The following HIVEP3 variants were observed in gnomAD, a reference collection of about 807,000 sequenced individuals.
HIVEP3 encodes transcription factor HIVEP3.
In HIVEP3, 49 loss-of-function variants were observed where a neutral mutation model predicts 152.8. The observed-to-expected ratio is 0.32, with a 90% CI of 0.26 to 0.41. The LOEUF (loss-of-function observed/expected upper bound fraction) is 0.41, where lower values mean the gene tolerates loss of function less well. Ranked by LOEUF, HIVEP3 falls within the 10% of genes least tolerant of loss-of-function variation. The probability of loss-of-function intolerance (pLI) is 1.00; values close to 1 mark genes in which losing one functional copy is unlikely to be tolerated. For synonymous variants in HIVEP3, 1,269 were observed against 1,289.0 expected, an observed-to-expected ratio of 0.98 and a Z score of 0.33; for missense variants, 2,790 against 3,103.3, an observed-to-expected ratio of 0.90 and a Z score of 2.40.
intron 1 of HIVEP3, among the ~76,000 whole-genome samples, chr1:41,748,888 C>T (rs1647112425): frequency 6.6e-6 from 1 of 152,202 alleles, no homozygotes; most frequent in Admixed American, 6.5e-5. Flanking sequence ...ATCTCATTGG[C>T]TTTGAGGACT....
At chr1:41,796,092 A>T (rs1369154105) in intron 1 of HIVEP3, among the ~76,000 whole-genome samples, 1 of 152,146 alleles carries the variant, frequency 6.6e-6, no homozygotes, top group African/African-American at 2.4e-5. Flanking sequence ...GCATATCTCT[A>T]CTTCTGTATA....
intron 1 of HIVEP3, among the ~76,000 whole-genome samples, chr1:41,760,427 CTCACG>C (rs1463619023): frequency 6.6e-6 from 1 of 152,158 alleles, no homozygotes; most frequent in Non-Finnish European, 1.5e-5. Context: ...ACCCTTCTCT[CTCACG>C]TCCACAGGTC....
intron 3 of HIVEP3, among the ~76,000 whole-genome samples, chr1:41,586,163 C>T (rs955129248): frequency 5.9e-5 from 9 of 152,204 alleles, no homozygotes; most frequent in African/African-American, 1.9e-4. Context: ...ATATGGGGAT[C>T]ATTGCCCTCA....
intron 3 of HIVEP3, among the ~76,000 whole-genome samples, chr1:41,598,219 C>A (rs886672286): frequency 6.6e-5 from 10 of 152,104 alleles, no homozygotes; most frequent in Non-Finnish European, 1.5e-4. Flanking sequence ...TAAGAGAGAC[C>A]CAAATTCCAC....
At chr1:41,730,927 C>T (rs1646830651) in intron 1 of HIVEP3, among the ~76,000 whole-genome samples, 1 of 152,094 alleles carries the variant, frequency 6.6e-6, no homozygotes, top group South Asian at 2.1e-4. Context: ...TGAAGAGGAG[C>T]AAGGACGCAA....
chr1:41,605,404 C>T (rs1003473370), intron 3 of HIVEP3, among the ~76,000 whole-genome samples: 2 of 147,986 alleles, frequency 1.4e-5, no homozygotes, highest in African/African-American at 5.3e-5. Context: ...CACACACACA[C>T]ACATACATAT....
At chr1:41,682,541 A>G (rs1016612063) in intron 2 of HIVEP3, among the ~76,000 whole-genome samples, 8 of 152,198 alleles carry the variant, frequency 5.3e-5, no homozygotes, top group African/African-American at 1.9e-4. Context: ...TAGCTGCCTT[A>G]CAGACTTTCC....
intron 2 of HIVEP3, among the ~76,000 whole-genome samples, chr1:41,665,207 G>A (rs923971735): frequency 2.6e-5 from 4 of 152,282 alleles, no homozygotes; most frequent in South Asian, 2.1e-4. Context: ...GCCCTGCTTC[G>A]AGGCTACCAG....
In HIVEP3 at chr1:41,628,892, C is replaced by T. The variant is rs1217537685; in HGVS notation, c.-665G>A. ...GAGGGGCGGGCTTGCTTGGCCAGGACCCCGCGAGGCTCCTCCATGAACTAG... is the reference window on the plus strand; with the variant it reads ...GAGGGGCGGGCTTGCTTGGCCAGGATCCCGCGAGGCTCCTCCATGAACTAG... On this transcript the variant is annotated 5_prime_UTR_variant, in exon 3 of 9. Coordinates refer to ENST00000372583, the MANE Select transcript of HIVEP3 (RefSeq NM_024503.5). The T allele has an allele frequency of 8.1e-7, 1 of 1,231,910 alleles. No individual in the cohort carries two copies. Among genetic ancestry groups the T allele is most frequent in the Non-Finnish European group, 1.0e-6 (1 of 987,892 alleles). 76.3% of individuals were successfully genotyped at this position (1,231,910 alleles called of 1,614,324 possible).
At chr1:41,591,489 C>T (rs564486192) in intron 3 of HIVEP3, among the ~76,000 whole-genome samples, 122 of 152,130 alleles carry the variant, frequency 8.0e-4, no homozygotes, top group Admixed American at 3.1e-3. Context: ...TTATGGGATA[C>T]TTTTCAGATT....
At chr1:41,619,745 G>A (rs548142313) in intron 3 of HIVEP3, among the ~76,000 whole-genome samples, 3 of 152,254 alleles carry the variant, frequency 2.0e-5, no homozygotes, top group East Asian at 3.9e-4. Flanking sequence ...GAGGCTGTCC[G>A]AATGCTATAT....
At chr1:41,659,366 T>C (rs1645677678) in intron 2 of HIVEP3, among the ~76,000 whole-genome samples, 1 of 152,214 alleles carries the variant, frequency 6.6e-6, no homozygotes, top group East Asian at 1.9e-4. Context: ...TCAGAGTGTA[T>C]ATGACGACTT....
At chr1:42,007,475 G>C (rs1645466531) in intron 1 of HIVEP3, among the ~76,000 whole-genome samples, 1 of 152,202 alleles carries the variant, frequency 6.6e-6, no homozygotes, top group African/African-American at 2.4e-5. Context: ...AGTGCTGCAG[G>C]TAGAGTATTT....
At chr1:41,872,695 T>C (rs1557470904) in intron 1 of HIVEP3, among the ~76,000 whole-genome samples, 1 of 152,248 alleles carries the variant, frequency 6.6e-6, no homozygotes, top group Non-Finnish European at 1.5e-5. Flanking sequence ...GTCTAATGCT[T>C]TGAAAATCCA....
chr1:42,014,362 A>G (rs1017657026), intron 1 of HIVEP3, among the ~76,000 whole-genome samples: 3 of 152,120 alleles, frequency 2.0e-5, no homozygotes, highest in African/African-American at 7.2e-5. Flanking sequence ...ACGCGGCTCC[A>G]GCACACAGCA....
chr1:41,644,324 C>T (rs937083185), intron 2 of HIVEP3, among the ~76,000 whole-genome samples: 1 of 152,084 alleles, frequency 6.6e-6, no homozygotes, highest in Non-Finnish European at 1.5e-5. Context: ...GTGAACAGGA[C>T]CTGGGATCTG....
intron 1 of HIVEP3, among the ~76,000 whole-genome samples, chr1:41,946,576 G>T (rs4660587): frequency 1.3e-5 from 2 of 152,018 alleles, no homozygotes; most frequent in Admixed American, 6.5e-5. Flanking sequence ...AGCCCCACTC[G>T]CTTGTTAGGG....
At chr1:41,751,539 A>T (rs528936230) in intron 1 of HIVEP3, among the ~76,000 whole-genome samples, 4 of 152,012 alleles carry the variant, frequency 2.6e-5, no homozygotes, top group Non-Finnish European at 5.9e-5. Flanking sequence ...GAGGGAAGGG[A>T]AGTTCACGAA....
At chr1:41,788,276 A>G (rs1463867217) in intron 1 of HIVEP3, among the ~76,000 whole-genome samples, 12 of 152,170 alleles carry the variant, frequency 7.9e-5, no homozygotes, top group Non-Finnish European at 1.5e-5. Flanking sequence ...GCAGACACCC[A>G]TGGTCCCTGC....
Sources: allele counts gnomAD v4.1 joint callset (sites outside exome capture counted in the v4.1 genomes callset), GRCh38; gene constraint gnomAD v4.1.1; transcripts MANE v1.5; gene names NCBI Gene and HGNC (gene_info 2026-07-23, HGNC 2026-07-21).